TREH: variants seen among roughly 807,000 people sequenced by gnomAD.
TREH encodes the protein trehalase, also known as alpha,alpha-trehalose glucohydrolase.
A neutral mutation model predicts 80.5 loss-of-function variants in TREH; 69 were observed. That is an observed-to-expected ratio of 0.86 (90% CI 0.71 to 1.05). The LOEUF (loss-of-function observed/expected upper bound fraction) is 1.05, where lower values mean the gene tolerates loss of function less well. Ranked by LOEUF, TREH falls within the 50% of genes least tolerant of loss-of-function variation. The pLI is 0.00. For missense variants in TREH, 716 were observed against 718.8 expected (o/e 1.00, Z 0.04); for synonymous variants, 309 against 293.5 (o/e 1.05, Z -0.54).
chr11:118,661,909 A>G lies in TREH; in HGVS notation c.505T>C (p.Phe169Leu). ...EHPFIVPGGRFVEFYYWDSYW... is the reference protein window; with the variant it reads ...EHPFIVPGGRLVEFYYWDSYW... ...GCTCACCAGTAGTAGAACTCAACAA[A>G]GCGACCGCCAGGCACAATGAAGGGA... is the stretch of plus-strand genomic sequence containing the variant. The change falls in exon 5 of 15, where the codon TTT becomes CTT. Residue 169 changes from phenylalanine (F) to leucine (L), a missense_variant. Phe to Leu is a conservative substitution (Grantham distance 22, BLOSUM62 0). Transcript: ENST00000264029. The surrounding 1 kb of genome is among the most constrained non-coding windows in gnomAD (Gnocchi z 4.2). 4 of 1,554,448 alleles carry G rather than the reference A, an allele frequency of 2.6e-6. No individual in the cohort carries two copies. Among genetic ancestry groups the G allele is most frequent in the Non-Finnish European group, 3.5e-6 (4 of 1,148,968 alleles).
intron 1 of TREH, among the ~76,000 whole-genome samples, chr11:118,675,781 G>A (rs1490195095): frequency 1.0e-5 from 1 of 96,748 alleles, no homozygotes; most frequent in Non-Finnish European, 2.0e-5. Context: ...TCAACTCACT[G>A]CAACCTCCAC....
rs147624320 is a variant in TREH, at chr11:118,673,490, G to A, written c.89+6049C>T. ...ACTTACTGGCATTTTGTGCCTCAGCGGGAAAACAGGACTAAGTCTAAATTC... is the reference window on the plus strand; with the variant it reads ...ACTTACTGGCATTTTGTGCCTCAGCAGGAAAACAGGACTAAGTCTAAATTC... On this transcript the variant is annotated intron_variant, in intron 1 of 14. Transcript: ENST00000264029. 1.2e-3 allele frequency among the ~76,000 whole-genome samples: 186 copies of A among 152,280 alleles called. 3 individuals carry two copies. In the East Asian group the frequency reaches 0.033, roughly 27 times the overall value.
chr11:118,672,913 T>G (rs1555146465), intron 1 of TREH, among the ~76,000 whole-genome samples: 2 of 152,006 alleles, frequency 1.3e-5, no homozygotes, highest in African/African-American at 2.4e-5. Flanking sequence ...AAGTTTAATG[T>G]AGGGAAAAAA....
intron 1 of TREH, among the ~76,000 whole-genome samples, chr11:118,664,055 G>T (rs2137269155): frequency 6.6e-6 from 1 of 152,270 alleles, no homozygotes; most frequent in South Asian, 2.1e-4. Context: ...AAATGGAAAT[G>T]GTTTATTCAG....
rs1949231912 is a variant in TREH at position 118,658,284 on chromosome 11, G to A, written c.*5C>T. On this transcript the variant is annotated 3_prime_UTR_variant, in exon 15 of 15. Coordinates refer to ENST00000264029, the MANE Select transcript of TREH (RefSeq NM_007180.3). ...AGCTGGGGCCAGGTGAGGAGAGGAG[G>A]GCTGTCACCATGGCAGGAGGCTGAG... The A allele has an allele frequency of 6.3e-7, 1 of 1,581,908 alleles. No homozygotes were observed. The highest frequency in any genetic ancestry group is 1.3e-5 in the African/African-American group (1 of 74,334).
At chr11:118,668,147 G>A (rs1281492902) in intron 1 of TREH, among the ~76,000 whole-genome samples, 4 of 152,260 alleles carry the variant, frequency 2.6e-5, no homozygotes, top group East Asian at 3.9e-4. Context: ...TTACAGGCGT[G>A]AGCCACCGCA....
At chr11:118,662,793 C>T in intron 4 of TREH, 88 bp downstream of exon 4, 1 of 1,447,992 alleles carries the variant, frequency 6.9e-7, no homozygotes, top group Non-Finnish European at 9.5e-7. Flanking sequence ...GAAACCTGAT[C>T]TGTGCTCCGA....
At chr11:118,667,391 A>G (rs1008810048) in intron 1 of TREH, among the ~76,000 whole-genome samples, 12 of 152,034 alleles carry the variant, frequency 7.9e-5, no homozygotes, top group African/African-American at 2.9e-4. Flanking sequence ...TATGTTGCCC[A>G]GGCTGGTCTT....
At position 118,657,773 on chromosome 11, in the gene TREH, G is replaced by A. The variant is rs922776290; in HGVS notation, c.*516C>T. The A allele has an allele frequency of 1.2e-5, 2 of 160,830 alleles. 1 individual carries two copies. Among genetic ancestry groups the A allele is most frequent in the Middle Eastern group, 6.2e-3 (2 of 322 alleles). 10.0% of individuals were successfully genotyped at this position (160,830 alleles called of 1,614,324 possible). ...TCCAATGCTCCTAGAGAGAAAGCCTGAGCAGGAGATGATGCAGCAGAGGGG... is the reference window on the plus strand; with the variant it reads ...TCCAATGCTCCTAGAGAGAAAGCCTAAGCAGGAGATGATGCAGCAGAGGGG... On this transcript the variant is annotated 3_prime_UTR_variant, in exon 15 of 15. Coordinates refer to ENST00000264029, the MANE Select transcript of TREH (RefSeq NM_007180.3).
chr11:118,677,972 G>A (rs1320769431), intron 1 of TREH, among the ~76,000 whole-genome samples: 2 of 152,100 alleles, frequency 1.3e-5, no homozygotes, highest in African/African-American at 4.8e-5. Flanking sequence ...AATTGTCATG[G>A]GCAAGCACTG....
intron 12 of TREH, 85 bp from the exon 13 acceptor site, chr11:118,659,102 G>C (rs1362630919): frequency 9.4e-6 from 13 of 1,387,222 alleles, no homozygotes; most frequent in Middle Eastern, 2.1e-4. Context: ...CCCCAAGGAG[G>C]GAAAGAGGCC....
chr11:118,678,240 T>A (rs1949499197), intron 1 of TREH, among the ~76,000 whole-genome samples: 1 of 152,132 alleles, frequency 6.6e-6, no homozygotes, highest in African/African-American at 2.4e-5. Flanking sequence ...TGCTTACACA[T>A]CACCTCCTCA....
chr11:118,676,568 G>T (rs1949480818), intron 1 of TREH, among the ~76,000 whole-genome samples: 1 of 130 alleles, frequency 7.7e-3, no homozygotes, highest in South Asian at 0.5. Context: ...AGGAGTTTAA[G>T]ACCAGCTGGC....
At position 118,659,912 on chromosome 11, in the gene TREH, G is replaced by A. The variant is rs782068563; in HGVS notation, c.1155C>T (p.Ala385=). The A allele has an allele frequency of 8.4e-6, 13 of 1,551,618 alleles. No individual in the cohort carries two copies. In the Admixed American group the frequency reaches 9.8e-5, roughly 12 times the overall value. The part of the protein sequence containing the change: ...KYRILRSQRL[A]ALNTVLWDEQ... ...CATCCCACAGGACTGTGTTCAGGGC[G>A]GCCAAGCGCTGCGACCGCAGGATTC... Residue 385 remains alanine (A), a synonymous_variant, in exon 11 of 15, where the codon GCC becomes GCT. Transcript: ENST00000264029.
At chr11:118,665,455 C>T (rs1327968236) in intron 1 of TREH, among the ~76,000 whole-genome samples, 3 of 151,982 alleles carry the variant, frequency 2.0e-5, no homozygotes, top group South Asian at 2.1e-4. Context: ...CTGGCTAACA[C>T]GATGAAACCC....
intron 1 of TREH, among the ~76,000 whole-genome samples, chr11:118,670,812 A>G (rs1949423696): frequency 6.6e-6 from 1 of 152,178 alleles, no homozygotes; most frequent in African/African-American, 2.4e-5. Flanking sequence ...TTACCCTTTC[A>G]GGCGTCAAGT....
At position 118,671,227 on chromosome 11, in the gene TREH, A is replaced by G. The variant is rs185740739; in HGVS notation, c.90-7788T>C. Among the ~76,000 whole-genome samples the G allele has an allele frequency of 1.1e-3, 167 of 152,342 alleles. 2 individuals carry two copies. The highest frequency in any genetic ancestry group is 4.1e-4 in the Non-Finnish European group (28 of 68,044). ...ATCAGACCCTTAGGAATTTTCACAT[A>G]AAAGTTTAAGAATATAGTTATATTT... On this transcript the variant is annotated intron_variant, in intron 1 of 14. Transcript: ENST00000264029.
chr11:118,661,612 G>T lies in TREH; in HGVS notation c.617+25C>A. On this transcript the variant is annotated intron_variant, in intron 6 of 14. Coordinates refer to ENST00000264029, the MANE Select transcript of TREH (RefSeq NM_007180.3). This position sits in a 1 kb window ranked among gnomAD's most constrained non-coding sequence, Gnocchi z 4.2. ...ACACCTGCCTCTCCTCCCCACCTAGGCTGGAGGTGCCTGGCCCCCCTCACG... is the reference window on the plus strand; with the variant it reads ...ACACCTGCCTCTCCTCCCCACCTAGTCTGGAGGTGCCTGGCCCCCCTCACG... The T allele has an allele frequency of 6.2e-7, 1 of 1,613,784 alleles. No individual in the cohort carries two copies. Among genetic ancestry groups the T allele is most frequent in the Non-Finnish European group, 8.5e-7 (1 of 1,179,806 alleles).
intron 1 of TREH, among the ~76,000 whole-genome samples, chr11:118,677,534 G>GC (rs1469193589): frequency 1.3e-5 from 2 of 152,154 alleles, no homozygotes; most frequent in African/African-American, 2.4e-5. Flanking sequence ...GACCATTCTT[G>GC]CCAACATGGC....
Sources: allele counts gnomAD v4.1 joint callset (sites outside exome capture counted in the v4.1 genomes callset), GRCh38; gene constraint gnomAD v4.1.1; non-coding constraint Gnocchi (gnomAD v3.1); transcripts MANE v1.5; gene names NCBI Gene and HGNC (gene_info 2026-07-23, HGNC 2026-07-21).